GTF3C1: variants seen among roughly 807,000 people sequenced by gnomAD.
GTF3C1 encodes the protein general transcription factor 3C polypeptide 1.
A neutral mutation model predicts 226.7 loss-of-function variants in GTF3C1; 57 were observed. That is an observed-to-expected ratio of 0.25 (90% CI 0.20 to 0.31). The LOEUF is 0.31. Among genes scored for constraint, GTF3C1 ranks in the 10% least tolerant of loss-of-function variants. The pLI, the probability that GTF3C1 is intolerant of heterozygous loss-of-function variation, is 1.00. For synonymous variants in GTF3C1, 1,090 were observed against 1,084.8 expected, an observed-to-expected ratio of 1.00 and a Z score of -0.09; for missense variants, 2,217 against 2,776.1, an observed-to-expected ratio of 0.80 and a Z score of 4.53.
At chr16:27,527,440 C>A (rs1400971084) in intron 6 of GTF3C1, among the ~76,000 whole-genome samples, 1 of 152,142 alleles carries the variant, frequency 6.6e-6, no homozygotes, top group African/African-American at 2.4e-5. Flanking sequence ...ACCTGAGCCT[C>A]CCAAAGTGCA....
intron 6 of GTF3C1, among the ~76,000 whole-genome samples, chr16:27,526,300 G>A (rs1273365870): frequency 2.6e-5 from 4 of 152,148 alleles, no homozygotes; most frequent in Admixed American, 6.5e-5. Flanking sequence ...AACAAGAGAC[G>A]GCCAAGCTGG....
chr16:27,540,169 G>GA lies in GTF3C1; in HGVS notation c.432-1814dup, dbSNP rs2089061087. ...ATTTCTACCACTAAGTAGGCACAAA[G>GA]AAAAAAAGAGGCTGTTTTAACTTAA... On this transcript the variant is annotated intron_variant, in intron 2 of 36. Transcript: ENST00000356183. 2.0e-5 allele frequency among the ~76,000 whole-genome samples: 3 copies of GA among 152,020 alleles called. No homozygotes were observed. In the South Asian group the frequency reaches 6.2e-4, roughly 32 times the overall value.
At chr16:27,514,855 C>A (rs538302483) in intron 6 of GTF3C1, among the ~76,000 whole-genome samples, 1 of 152,172 alleles carries the variant, frequency 6.6e-6, no homozygotes, top group Non-Finnish European at 1.5e-5. Flanking sequence ...GGTTTAGACG[C>A]CCCTGATTCA....
At chr16:27,467,340 C>T (rs1195573058) in intron 32 of GTF3C1, among the ~76,000 whole-genome samples, 1 of 152,196 alleles carries the variant, frequency 6.6e-6, no homozygotes, top group Non-Finnish European at 1.5e-5. Flanking sequence ...TGGATGACAG[C>T]ACATCTGTTT....
In GTF3C1 at chr16:27,506,839, C is replaced by G. The variant is rs1207482433; in HGVS notation, c.1552+8G>C. On this transcript the variant is annotated splice_region_variant and intron_variant, in intron 9 of 36. Transcript: ENST00000356183. ...ACGCAGCCCCTGCCCACCCCACGTG[C>G]TCCCTACCCTTGGTTGGGGTGGAGT... 6.3e-7 allele frequency: 1 copy of G among 1,593,758 alleles called. No individual in the cohort carries two copies. Among genetic ancestry groups the G allele is most frequent in the Non-Finnish European group, 8.6e-7 (1 of 1,168,822 alleles).
At chr16:27,521,766 T>C (rs2088754175) in intron 6 of GTF3C1, among the ~76,000 whole-genome samples, 1 of 152,248 alleles carries the variant, frequency 6.6e-6, no homozygotes, top group African/African-American at 2.4e-5. Flanking sequence ...TTTAACTATT[T>C]TAACCATTTT....
chr16:27,511,702 C>G (rs962086043), intron 7 of GTF3C1, 47 bp downstream of exon 7: 1 of 1,602,356 alleles, frequency 6.2e-7, no homozygotes, highest in Non-Finnish European at 8.5e-7. Context: ...CTTCTTGACT[C>G]AAATTCTCGG....
chr16:27,470,453 T>C lies in GTF3C1; in HGVS notation c.4527-58A>G. The C allele has an allele frequency of 5.9e-6, 8 of 1,363,220 alleles. No individual in the cohort carries two copies. Among genetic ancestry groups the C allele is most frequent in the Non-Finnish European group, 8.3e-6 (8 of 967,732 alleles). The allele number at this position is 1,363,220 out of a possible 1,614,324, so 84.4% of individuals were successfully genotyped here. The stretch of plus-strand genomic sequence containing the variant: ...AGGGCCAGCTGTGGGAAGCCTTCAT[T>C]TGGATGGACTATGAGCACGTCAAAC... On this transcript the variant is annotated intron_variant, in intron 30 of 36. Transcript: ENST00000356183. This position sits in a 1 kb window ranked among gnomAD's most constrained non-coding sequence, Gnocchi z 4.9.
chr16:27,513,209 T>C (rs1260067199), intron 6 of GTF3C1, among the ~76,000 whole-genome samples: 1 of 152,132 alleles, frequency 6.6e-6, no homozygotes, highest in African/African-American at 2.4e-5. Context: ...TCTCAGCACT[T>C]TGGGAGGCCA....
intron 4 of GTF3C1, among the ~76,000 whole-genome samples, chr16:27,537,115 C>T (rs1206253266): frequency 6.6e-6 from 1 of 152,182 alleles, no homozygotes; most frequent in East Asian, 1.9e-4. Context: ...CCATCTTGTC[C>T]ATATAGGTTA....
intron 26 of GTF3C1, chr16:27,482,402 A>G (rs2088066319): frequency 9.0e-6 from 4 of 444,226 alleles, no homozygotes; most frequent in Non-Finnish European, 1.8e-5. Context: ...TCCATCCAAA[A>G]GCATTGCTGA....
chr16:27,522,121 G>C (rs2088759061), intron 6 of GTF3C1, among the ~76,000 whole-genome samples: 1 of 152,146 alleles, frequency 6.6e-6, no homozygotes, highest in Non-Finnish European at 1.5e-5. Context: ...GCTTTATTGA[G>C]ATATAATTTG....
At chr16:27,532,057 C>T (rs2141444714) in intron 5 of GTF3C1, among the ~76,000 whole-genome samples, 1 of 152,310 alleles carries the variant, frequency 6.6e-6, no homozygotes, top group African/African-American at 2.4e-5. Flanking sequence ...TAGTGCACAA[C>T]TAGTTCCAGC....
chr16:27,466,493 G>T (rs2087789093), intron 32 of GTF3C1, among the ~76,000 whole-genome samples: 1 of 152,120 alleles, frequency 6.6e-6, no homozygotes, highest in African/African-American at 2.4e-5. Context: ...CTCTCCTGGG[G>T]CTCCCTATTC....
At position 27,462,727 on chromosome 16, in the gene GTF3C1, C is replaced by A. The variant is rs145816656; in HGVS notation, c.5925-241G>T. ...CGCTCTGATGTAGCTGTAACTGAGG[C>A]CTCAGTGGGCCCACCCACATTGGCA... is the stretch of plus-strand genomic sequence containing the variant. On this transcript the variant is annotated intron_variant, in intron 35 of 36. Transcript: ENST00000356183. This position sits in a 1 kb window ranked among gnomAD's most constrained non-coding sequence, Gnocchi z 4.5. 4.3e-4 allele frequency: 212 copies of A among 490,482 alleles called. No homozygotes were observed. The highest frequency in any genetic ancestry group is 3.4e-3 in the African/African-American group (180 of 52,484). 30.4% of individuals were successfully genotyped at this position (490,482 alleles called of 1,614,324 possible). A position where few individuals can be genotyped will look rare whatever the true frequency, so the allele number is the denominator to read the frequency against.
Position 27,465,388 on chromosome 16 carries a change from A to G in GTF3C1, c.5227T>C (p.Leu1743=). 6.2e-7 allele frequency: 1 copy of G among 1,614,124 alleles called. No individual in the cohort carries two copies. The highest frequency in any genetic ancestry group is 8.5e-7 in the Non-Finnish European group (1 of 1,179,978). Residue 1743 remains leucine (L), a synonymous_variant, in exon 33 of 37, where the codon TTG becomes CTG. Coordinates refer to ENST00000356183, the MANE Select transcript of GTF3C1 (RefSeq NM_001520.4). ...GYSPEDLTAA[L]EILEAIIATG... ...GCTATAATGGCTTCCAAGATCTCCA[A>G]GGCAGCAGTCAGGTCTTCGGGACTA...
rs1375263055 is a variant in GTF3C1 at position 27,538,159 on chromosome 16, G to A, written c.608+21C>T. 10 of 1,501,760 alleles carry A rather than the reference G, an allele frequency of 6.7e-6. No individual in the cohort carries two copies. In the African/African-American group the frequency reaches 1.1e-4, roughly 17 times the overall value. The allele number at this position is 1,501,760 out of a possible 1,614,324, so 93.0% of individuals were successfully genotyped here. On this transcript the variant is annotated intron_variant, in intron 3 of 36. Coordinates refer to ENST00000356183, the MANE Select transcript of GTF3C1 (RefSeq NM_001520.4). Reference sequence around the variant, plus strand: ...GCAATGACATATAATTTAAAGCAGAGAAGCAAATCCCCCCACTTACTTGAA... The same window carrying A: ...GCAATGACATATAATTTAAAGCAGAAAAGCAAATCCCCCCACTTACTTGAA...
intron 14 of GTF3C1, among the ~76,000 whole-genome samples, chr16:27,496,074 CTCA>C (rs1383060004): frequency 1.3e-5 from 2 of 152,144 alleles, no homozygotes; most frequent in South Asian, 2.1e-4. Context: ...TGGTGCCATC[CTCA>C]TGAGATCTGG....
chr16:27,549,272 C>T (rs1411786164), intron 1 of GTF3C1, among the ~76,000 whole-genome samples: 1 of 152,184 alleles, frequency 6.6e-6, no homozygotes, highest in Non-Finnish European at 1.5e-5. Flanking sequence ...AGGCTATCTG[C>T]ACCGAATGAA....
Sources: allele counts gnomAD v4.1 joint callset (sites outside exome capture counted in the v4.1 genomes callset), GRCh38; gene constraint gnomAD v4.1.1; non-coding constraint Gnocchi (gnomAD v3.1); transcripts MANE v1.5; gene names NCBI Gene and HGNC (gene_info 2026-07-23, HGNC 2026-07-21).